The following VOPP1 variants were observed in gnomAD, a reference collection of about 807,000 sequenced individuals.
VOPP1 encodes WW domain binding protein VOPP1.
In VOPP1, 8 loss-of-function variants were observed where a neutral mutation model predicts 23.5. The observed-to-expected ratio is 0.34, with a 90% CI of 0.20 to 0.61. The LOEUF is 0.61. Among genes scored for constraint, VOPP1 ranks in the 20% least tolerant of loss-of-function variants. VOPP1 has a pLI of 0.78. For synonymous variants in VOPP1, 83 were observed against 97.3 expected, an observed-to-expected ratio of 0.85 and a Z score of 0.86; for missense variants, 174 against 238.1, an observed-to-expected ratio of 0.73 and a Z score of 1.77.
intron 1 of VOPP1, chr7:55,561,949 G>C (rs1307946911): frequency 8.5e-6 from 6 of 703,210 alleles, no homozygotes; most frequent in Non-Finnish European, 2.6e-6. Context: ...GGGAAAACAG[G>C]AAGTGAAAGT....
chr7:55,449,502 G>T (rs943267688), intron 4 of VOPP1, among the ~76,000 whole-genome samples: 4 of 152,350 alleles, frequency 2.6e-5, no homozygotes, highest in Admixed American at 2.6e-4. Flanking sequence ...GGGGTGGGGG[G>T]CCGGTCTCGG....
At chr7:55,518,534 G>T (rs965381861) in intron 2 of VOPP1, among the ~76,000 whole-genome samples, 8 of 152,174 alleles carry the variant, frequency 5.3e-5, no homozygotes, top group African/African-American at 1.9e-4. Flanking sequence ...CAGCAGGGGA[G>T]GAACAAACTT....
intron 3 of VOPP1, among the ~76,000 whole-genome samples, chr7:55,494,127 G>C (rs1016819215): frequency 6.6e-6 from 1 of 152,180 alleles, no homozygotes. Context: ...GGGGAGCCCG[G>C]AGACCCAAAC....
chr7:55,508,398 G>C (rs887483262), intron 2 of VOPP1, among the ~76,000 whole-genome samples: 5 of 152,116 alleles, frequency 3.3e-5, no homozygotes, highest in Non-Finnish European at 5.9e-5. Context: ...CTCCCAAGTA[G>C]CTAAAAATAC....
chr7:55,435,375 T>C (rs1790798785), downstream of VOPP1, among the ~76,000 whole-genome samples: 1 of 152,140 alleles, frequency 6.6e-6, no homozygotes, highest in Non-Finnish European at 1.5e-5. Flanking sequence ...GAGGCGGACA[T>C]GGCAGCAGGA....
chr7:55,454,756 A>G (rs1305996777), intron 4 of VOPP1, among the ~76,000 whole-genome samples: 1 of 152,204 alleles, frequency 6.6e-6, no homozygotes, highest in Non-Finnish European at 1.5e-5. Flanking sequence ...ATAGCCCTTC[A>G]TGATAAAAAC....
At chr7:55,553,801 A>C in intron 1 of VOPP1, 2 of 107,602 alleles carry the variant, frequency 1.9e-5, no homozygotes, top group Non-Finnish European at 4.2e-5. Context: ...ACACACACAC[A>C]CACACTCACC....
chr7:55,448,631 G>C (rs1047060360), intron 4 of VOPP1, among the ~76,000 whole-genome samples: 5 of 152,180 alleles, frequency 3.3e-5, no homozygotes, highest in African/African-American at 1.2e-4. Flanking sequence ...TCCTCCGCGG[G>C]ATCCTCCACA....
At chr7:55,455,693 G>T (rs1402794343) in intron 4 of VOPP1, among the ~76,000 whole-genome samples, 1 of 152,180 alleles carries the variant, frequency 6.6e-6, no homozygotes, top group Non-Finnish European at 1.5e-5. Context: ...ACAAAAATAA[G>T]CAATGGGGAA....
chr7:55,543,382 G>A (rs1326367196), intron 1 of VOPP1, among the ~76,000 whole-genome samples: 8 of 152,142 alleles, frequency 5.3e-5, no homozygotes, highest in Non-Finnish European at 8.8e-5. Flanking sequence ...ATATGCTCAT[G>A]TTCTTCCTTG....
intron 2 of VOPP1, among the ~76,000 whole-genome samples, chr7:55,507,019 T>C (rs1419080989): frequency 6.6e-6 from 1 of 152,194 alleles, no homozygotes; most frequent in African/African-American, 2.4e-5. Context: ...CTGGGTCATA[T>C]CCTGGCTTTG....
chr7:55,467,814 G>T (rs570514225), downstream of VOPP1, among the ~76,000 whole-genome samples: 1 of 152,314 alleles, frequency 6.6e-6, no homozygotes, highest in East Asian at 1.9e-4. Flanking sequence ...CATGACGAGG[G>T]TCGTGAATGA....
chr7:55,485,582 C>T (rs1008223136), intron 4 of VOPP1, among the ~76,000 whole-genome samples: 2 of 152,222 alleles, frequency 1.3e-5, no homozygotes, highest in Non-Finnish European at 2.9e-5. Flanking sequence ...AAGTCACTGT[C>T]GCCCTGTCCT....
intron 4 of VOPP1, among the ~76,000 whole-genome samples, chr7:55,464,771 G>C (rs1020365278): frequency 6.6e-6 from 1 of 152,168 alleles, no homozygotes; most frequent in Non-Finnish European, 1.5e-5. Context: ...TAGTCTGGTG[G>C]AGGCTGGCCT....
downstream of VOPP1, among the ~76,000 whole-genome samples, chr7:55,470,353 C>A (rs1273596935): frequency 1.3e-5 from 2 of 152,224 alleles, no homozygotes; most frequent in African/African-American, 2.4e-5. Context: ...TGAAAAACAG[C>A]CCTAGCTCAA....
intron 1 of VOPP1, among the ~76,000 whole-genome samples, chr7:55,571,098 G>C (rs1016896610): frequency 6.6e-6 from 1 of 152,076 alleles, no homozygotes; most frequent in Admixed American, 6.5e-5. Context: ...TGATTCCTAA[G>C]GTTCTAAAAT....
At chr7:55,559,759 T>G (rs185460677) in intron 1 of VOPP1, among the ~76,000 whole-genome samples, 141 of 152,208 alleles carry the variant, frequency 9.3e-4, no homozygotes, top group African/African-American at 3.2e-3. Context: ...AATGACTCCA[T>G]CCCAACCCAG....
downstream of VOPP1, among the ~76,000 whole-genome samples, chr7:55,466,519 C>A (rs1791635566): frequency 6.6e-6 from 1 of 152,134 alleles, no homozygotes; most frequent in African/African-American, 2.4e-5. Flanking sequence ...GGGGGGAAAC[C>A]AGAAGCTGAG....
intron 4 of VOPP1, among the ~76,000 whole-genome samples, chr7:55,479,347 T>A (rs1375277159): frequency 8.2e-6 from 1 of 121,484 alleles, no homozygotes. Flanking sequence ...GATGTTCCCC[T>A]TCCTGTGTCC....
Sources: allele counts gnomAD v4.1 joint callset (sites outside exome capture counted in the v4.1 genomes callset), GRCh38; gene constraint gnomAD v4.1.1; transcripts MANE v1.5; gene names NCBI Gene and HGNC (gene_info 2026-07-23, HGNC 2026-07-21).